SPP2: variants seen among roughly 807,000 people sequenced by gnomAD.
The protein encoded by SPP2 is secreted phosphoprotein 24.
A neutral mutation model predicts 28.8 loss-of-function variants in SPP2; 34 were observed. The ratio of observed to expected loss-of-function variants is 1.18; its 90% CI spans 0.90 to 1.57. The LOEUF is 1.57. Among genes scored for constraint, SPP2 ranks in the 40% most tolerant of loss-of-function variants. The probability of loss-of-function intolerance (pLI) is 0.00; values close to 1 mark genes in which losing one functional copy is unlikely to be tolerated. For synonymous variants in SPP2, 96 were observed against 89.4 expected (o/e 1.07, Z -0.42); for missense variants, 269 against 263.9 (o/e 1.02, Z -0.13).
At position 234,060,350 on chromosome 2, in the gene SPP2, A is replaced by AC. The variant is rs1445681231; in HGVS notation, c.334-15dup. On this transcript the variant is annotated intron_variant, in intron 3 of 7. Transcript: ENST00000168148. Reference sequence around the variant, plus strand: ...CCACAAACAGCTGAAGAGAGAACTCACCCCTTTGTCTTTTCCAGTCCACAG... The same window carrying AC: ...CCACAAACAGCTGAAGAGAGAACTCACCCCCTTTGTCTTTTCCAGTCCACAG... 1 of 1,581,074 alleles carries AC rather than the reference A, an allele frequency of 6.3e-7. No homozygotes were observed. The highest frequency in any genetic ancestry group is 8.7e-7 in the Non-Finnish European group (1 of 1,150,492).
At chr2:234,070,391 TCAAC>T (rs1690740243) in intron 7 of SPP2, among the ~76,000 whole-genome samples, 1 of 152,234 alleles carries the variant, frequency 6.6e-6, no homozygotes, top group South Asian at 2.1e-4. Flanking sequence ...GGTTGCTTCC[TCAAC>T]CTCCTCACCT....
intron 7 of SPP2, among the ~76,000 whole-genome samples, chr2:234,072,205 A>G (rs2125473220): frequency 6.6e-6 from 1 of 152,342 alleles, no homozygotes; most frequent in East Asian, 1.9e-4. Flanking sequence ...ATCAACTGAC[A>G]TTTTACTAAA....
rs1693812506 is a variant in SPP2 at position 234,066,088 on chromosome 2, A to C, written c.445-445A>C. 2.6e-5 allele frequency among the ~76,000 whole-genome samples: 4 copies of C among 152,210 alleles called. No individual in the cohort carries two copies. In the South Asian group the frequency reaches 8.3e-4, roughly 31 times the overall value. ...CTCTTGGTAGAAAGACTGCGAGCCA[A>C]GCAACCACTTTACTTTGTGATGATT... On this transcript the variant is annotated intron_variant, in intron 4 of 7. Transcript: ENST00000168148.
At chr2:234,067,133 A>G in intron 5 of SPP2, 91 bp from the exon 6 acceptor site, 1 of 1,214,684 alleles carries the variant, frequency 8.2e-7, no homozygotes, top group South Asian at 1.2e-5. Flanking sequence ...TTCTTTGCTT[A>G]AGAAGCATAT....
At chr2:234,064,196 T>C (rs1484169619) in intron 4 of SPP2, among the ~76,000 whole-genome samples, 2 of 143,278 alleles carry the variant, frequency 1.4e-5, no homozygotes, top group African/African-American at 5.2e-5. Flanking sequence ...TCCCTCTCCC[T>C]CTCCTTCTCC....
chr2:234,050,718 A>G lies in SPP2; in HGVS notation c.-69A>G. 1.5e-6 allele frequency: 2 copies of G among 1,356,532 alleles called. No individual in the cohort carries two copies. Among genetic ancestry groups the G allele is most frequent in the Non-Finnish European group, 2.1e-6 (2 of 951,028 alleles). The allele number at this position is 1,356,532 out of a possible 1,614,324, so 84.0% of individuals were successfully genotyped here. On this transcript the variant is annotated 5_prime_UTR_variant, in exon 1 of 8. Coordinates refer to ENST00000168148, the MANE Select transcript of SPP2 (RefSeq NM_006944.3). ...TAAGCAGCCAGTGTTTGATAAAGAC[A>G]GCTCCTCTTAGGAAGAACTGTCATC...
chr2:234,072,289 G>T (rs552115227), intron 7 of SPP2, among the ~76,000 whole-genome samples: 106 of 152,148 alleles, frequency 7.0e-4, no homozygotes, highest in African/African-American at 2.4e-3. Flanking sequence ...TTAATGTATG[G>T]CACAACTCTA....
rs369619574 is a variant in SPP2, at chr2:234,068,816, T to A, written c.551-1112T>A. ...CAAATCTGATTAATCAGATTAATAA[T>A]CAACTTGGGTGTGTTGGTTATCTAT... On this transcript the variant is annotated intron_variant, in intron 6 of 7. Coordinates refer to ENST00000168148, the MANE Select transcript of SPP2 (RefSeq NM_006944.3). Among the ~76,000 whole-genome samples, 119 of 151,962 alleles carry A rather than the reference T, an allele frequency of 7.8e-4. 4 individuals carry two copies. In the South Asian group the frequency reaches 0.024, roughly 31 times the overall value.
At chr2:234,052,793 T>C (rs1693524694) in intron 2 of SPP2, among the ~76,000 whole-genome samples, 1 of 152,200 alleles carries the variant, frequency 6.6e-6, no homozygotes, top group South Asian at 2.1e-4. Context: ...TGTTGAGAAC[T>C]CTATTTCTTC....
intron 2 of SPP2, 40 bp from the exon 3 acceptor site, chr2:234,058,796 A>G: frequency 6.3e-7 from 1 of 1,592,436 alleles, no homozygotes; most frequent in Non-Finnish European, 8.6e-7. Flanking sequence ...TAAACTTCAG[A>G]AATGCATTGA....
At chr2:234,061,263 G>A (rs956981908) in intron 4 of SPP2, among the ~76,000 whole-genome samples, 1 of 152,108 alleles carries the variant, frequency 6.6e-6, no homozygotes, top group African/African-American at 2.4e-5. Context: ...TGTCTCATGA[G>A]GGCAGGGAAT....
At chr2:234,064,906 T>C (rs1243180759) in intron 4 of SPP2, among the ~76,000 whole-genome samples, 1 of 152,240 alleles carries the variant, frequency 6.6e-6, no homozygotes, top group Non-Finnish European at 1.5e-5. Flanking sequence ...CTTTGTATTG[T>C]TCCGTTTTAC....
Position 234,059,921 on chromosome 2 carries a change from A to G in SPP2, c.334-448A>G, listed in dbSNP as rs527431728. ...TTCAAGCTCGTGGGTTTTGTTACTT[A>G]AAAGAGGATGTTTGATTTGTTATTT... On this transcript the variant is annotated intron_variant, in intron 3 of 7. Transcript: ENST00000168148. Among the ~76,000 whole-genome samples the G allele has an allele frequency of 2.7e-5, 4 of 146,718 alleles. No homozygotes were observed. In the South Asian group the frequency reaches 8.3e-4, roughly 30 times the overall value.
At chr2:234,063,581 G>C (rs558610808) in intron 4 of SPP2, among the ~76,000 whole-genome samples, 1 of 152,058 alleles carries the variant, frequency 6.6e-6, no homozygotes, top group Admixed American at 6.5e-5. Flanking sequence ...GTGAATTATC[G>C]GTAGTTTTTA....
intron 6 of SPP2, 94 bp downstream of exon 6, chr2:234,067,368 A>T: frequency 8.8e-7 from 1 of 1,142,604 alleles, no homozygotes; most frequent in Non-Finnish European, 1.3e-6. Flanking sequence ...CCTGTTTCAT[A>T]GGAGTTAAAT....
chr2:234,060,726 CACAT>C (rs1693703187), intron 4 of SPP2, among the ~76,000 whole-genome samples: 1 of 149,158 alleles, frequency 6.7e-6, no homozygotes, highest in African/African-American at 2.6e-5. Context: ...CACACACACA[CACAT>C]ATGCACACAC....
At chr2:234,057,786 A>G (rs1485971432) in intron 2 of SPP2, among the ~76,000 whole-genome samples, 2 of 152,254 alleles carry the variant, frequency 1.3e-5, no homozygotes, top group East Asian at 3.8e-4. Flanking sequence ...CTGCTCAAGC[A>G]GGAAGCTAGG....
At chr2:234,066,735 T>A (rs1418558178) in intron 5 of SPP2, 148 bp downstream of exon 5, 2 of 651,572 alleles carry the variant, frequency 3.1e-6, no homozygotes, top group Non-Finnish European at 5.2e-6. Context: ...TTTGTTTTGC[T>A]TTTGCTTATT....
At chr2:234,072,676 G>T (rs1191878731) in intron 7 of SPP2, among the ~76,000 whole-genome samples, 1 of 152,130 alleles carries the variant, frequency 6.6e-6, no homozygotes, top group Non-Finnish European at 1.5e-5. Flanking sequence ...TCTACACTGT[G>T]CTGGGTTCCC....
Sources: gnomAD v4.1 joint callset for allele counts (sites outside exome capture counted in the v4.1 genomes callset) on GRCh38, gnomAD v4.1.1 for gene constraint, MANE v1.5 for transcripts, NCBI Gene and HGNC (gene_info 2026-07-23, HGNC 2026-07-21) for gene names.